ADAMTS12: variants seen among roughly 807,000 people sequenced by gnomAD.
ADAMTS12 encodes the protein A disintegrin and metalloproteinase with thrombospondin motifs 12.
Under a neutral mutation model 167.8 loss-of-function variants are expected in ADAMTS12, and 118 were observed. The ratio of observed to expected loss-of-function variants is 0.70; its 90% CI spans 0.61 to 0.82. The LOEUF is 0.82. Ranked by LOEUF, ADAMTS12 falls within the 40% of genes least tolerant of loss-of-function variation. The pLI, the probability that ADAMTS12 is intolerant of heterozygous loss-of-function variation, is 0.00. For missense variants in ADAMTS12, 1,916 were observed against 1,998.8 expected, an observed-to-expected ratio of 0.96 and a Z score of 0.79; for synonymous variants, 704 against 716.9, an observed-to-expected ratio of 0.98 and a Z score of 0.29.
At chr5:33,553,515 A>G (rs529223639) in intron 20 of ADAMTS12, among the ~76,000 whole-genome samples, 7 of 152,384 alleles carry the variant, frequency 4.6e-5, no homozygotes, top group African/African-American at 1.7e-4. Flanking sequence ...AATATACACT[A>G]TGGAATACTA....
chr5:33,774,804 CCAG>C (rs1745860545), intron 2 of ADAMTS12, among the ~76,000 whole-genome samples: 5 of 152,102 alleles, frequency 3.3e-5, no homozygotes, highest in Admixed American at 3.3e-4. Flanking sequence ...CCTGCTTTGC[CCAG>C]CTTTATTCTC....
chr5:33,572,404 T>G (rs1746406994), intron 19 of ADAMTS12, among the ~76,000 whole-genome samples: 1 of 151,930 alleles, frequency 6.6e-6, no homozygotes, highest in Admixed American at 6.6e-5. Context: ...TCCACCATGA[T>G]CAAGTGGGCT....
chr5:33,721,463 CT>C (rs1743802955), intron 3 of ADAMTS12, among the ~76,000 whole-genome samples: 1 of 152,184 alleles, frequency 6.6e-6, no homozygotes, highest in African/African-American at 2.4e-5. Flanking sequence ...GGACCGTTGC[CT>C]TTTCCCCTCT....
intron 8 of ADAMTS12, 108 bp downstream of exon 8, chr5:33,649,446 G>A: frequency 1.4e-6 from 2 of 1,379,650 alleles, no homozygotes; most frequent in Non-Finnish European, 2.0e-6. Context: ...GGTGGCCTGT[G>A]GGATGGAATC....
intron 18 of ADAMTS12, among the ~76,000 whole-genome samples, chr5:33,577,992 C>T (rs1579695323): frequency 6.6e-6 from 1 of 152,320 alleles, no homozygotes; most frequent in Non-Finnish European, 1.5e-5. Context: ...TCAATTTCAA[C>T]ACCTGTGAAT....
intron 2 of ADAMTS12, among the ~76,000 whole-genome samples, chr5:33,858,568 G>A (rs75332059): frequency 0.021 from 3,209 of 151,542 alleles, 108 homozygotes; most frequent in African/African-American, 0.074. Context: ...TGAGGTGGGA[G>A]GATTGCTTGA....
At chr5:33,571,924 T>C (rs1746372820) in intron 19 of ADAMTS12, among the ~76,000 whole-genome samples, 2 of 152,164 alleles carry the variant, frequency 1.3e-5, no homozygotes, top group African/African-American at 2.4e-5. Flanking sequence ...ATATCACCAC[T>C]GATCCCACAG....
At position 33,524,985 on chromosome 5, in the gene ADAMTS12, T is replaced by C. The variant is rs1232864091; in HGVS notation, c.*2203A>G. 2 of 152,222 alleles carry C rather than the reference T, an allele frequency of 1.3e-5. No individual in the cohort carries two copies. The highest frequency in any genetic ancestry group is 6.5e-5 in the Admixed American group (1 of 15,282). 9.4% of individuals were successfully genotyped at this position (152,222 alleles called of 1,614,324 possible). A position where few individuals can be genotyped will look rare whatever the true frequency, so the allele number is the denominator to read the frequency against. ...GCCTAGTTTAGTTGGTTGAGGTCAG[T>C]AGGAATCTGAGTTTGTTCCTGAGTT... On this transcript the variant is annotated 3_prime_UTR_variant, in exon 24 of 24. Transcript: ENST00000504830.
chr5:33,694,650 TTAGTC>T (rs10533798), intron 3 of ADAMTS12, among the ~76,000 whole-genome samples: 34,049 of 151,976 alleles, frequency 0.22, 3,960 homozygotes, highest in East Asian at 0.42. Context: ...AAAGAACACT[TTAGTC>T]TAGAGAAGTC....
intron 3 of ADAMTS12, among the ~76,000 whole-genome samples, chr5:33,710,585 C>A (rs1276252681): frequency 6.6e-6 from 1 of 152,172 alleles, no homozygotes; most frequent in Non-Finnish European, 1.5e-5. Flanking sequence ...TGGCTCCTGG[C>A]CTCATGGAGC....
intron 3 of ADAMTS12, among the ~76,000 whole-genome samples, chr5:33,697,793 A>G (rs7729066): frequency 0.82 from 124,166 of 151,350 alleles, 50,985 homozygotes; most frequent in South Asian, 0.89. Context: ...AGATTATACG[A>G]ACTGACCCCG....
chr5:33,847,382 G>A (rs1285104125), intron 2 of ADAMTS12, among the ~76,000 whole-genome samples: 1 of 152,156 alleles, frequency 6.6e-6, no homozygotes, highest in Non-Finnish European at 1.5e-5. Flanking sequence ...CAGCACTTTG[G>A]GAGGCCTAGG....
chr5:33,891,485 C>T, intron 1 of ADAMTS12: 1 of 507,576 alleles, frequency 2.0e-6, no homozygotes, highest in East Asian at 3.2e-5. Flanking sequence ...TCAAAGACTG[C>T]AGTGTCATCC....
At chr5:33,737,486 T>C (rs1249748731) in intron 3 of ADAMTS12, among the ~76,000 whole-genome samples, 1 of 152,220 alleles carries the variant, frequency 6.6e-6, no homozygotes, top group Non-Finnish European at 1.5e-5. Flanking sequence ...AAAAGAATTC[T>C]GGAGATTGGT....
Position 33,702,296 on chromosome 5 carries a change from C to T in ADAMTS12, c.635-18241G>A, listed in dbSNP as rs1354958660. 3.9e-5 allele frequency among the ~76,000 whole-genome samples: 6 copies of T among 152,120 alleles called. No homozygotes were observed. In the South Asian group the frequency reaches 1.2e-3, roughly 32 times the overall value. On this transcript the variant is annotated intron_variant, in intron 3 of 23. Transcript: ENST00000504830. ...TCTAGAATCAGCCTAGCATCTCTAC[C>T]AGGGTATTATTTCTTCTGCTGCAGC...
chr5:33,815,714 G>A (rs575961890), intron 2 of ADAMTS12, among the ~76,000 whole-genome samples: 2 of 152,318 alleles, frequency 1.3e-5, no homozygotes, highest in East Asian at 3.9e-4. Flanking sequence ...GAAGGAGAGA[G>A]GAGCGCATAG....
At chr5:33,829,775 C>T (rs1748225418) in intron 2 of ADAMTS12, among the ~76,000 whole-genome samples, 1 of 152,186 alleles carries the variant, frequency 6.6e-6, no homozygotes. Flanking sequence ...AGTACAAATT[C>T]TCCTTTAAAA....
rs370388346 is a variant in ADAMTS12, at chr5:33,602,244, G to A, written c.2528-6184C>T. 7.9e-5 allele frequency among the ~76,000 whole-genome samples: 12 copies of A among 152,280 alleles called. No homozygotes were observed. In the East Asian group the frequency reaches 1.4e-3, roughly 17 times the overall value. On this transcript the variant is annotated intron_variant, in intron 16 of 23. Transcript: ENST00000504830. Reference sequence around the variant, plus strand: ...CAGGGTAAAAAATGGAACTAGGAAGGCTGGCTAAATAACAGACCATTAGAT... The same window carrying A: ...CAGGGTAAAAAATGGAACTAGGAAGACTGGCTAAATAACAGACCATTAGAT...
intron 2 of ADAMTS12, among the ~76,000 whole-genome samples, chr5:33,812,529 C>A (rs1015316311): frequency 1.3e-5 from 2 of 152,226 alleles, no homozygotes; most frequent in Non-Finnish European, 2.9e-5. Context: ...TCTTGGTCAT[C>A]ACCTATCCCA....
Sources: allele counts gnomAD v4.1 joint callset (sites outside exome capture counted in the v4.1 genomes callset), GRCh38; gene constraint gnomAD v4.1.1; transcripts MANE v1.5; gene names NCBI Gene and HGNC (gene_info 2026-07-23, HGNC 2026-07-21).